P2RY12: variants seen among roughly 807,000 people sequenced by gnomAD.
P2RY12 encodes the protein purinergic receptor P2Y12.
Under a neutral mutation model 4.5 loss-of-function variants are expected in P2RY12, and 3 were observed. That is an observed-to-expected ratio of 0.67 (90% CI 0.31 to 1.74). The LOEUF is 1.74. Ranked by LOEUF, P2RY12 falls within the 40% of genes most tolerant of loss-of-function variation. The pLI is 0.09. For missense variants in P2RY12, 356 were observed against 407.8 expected (o/e 0.87, Z 1.09); for synonymous variants, 148 against 154.1 (o/e 0.96, Z 0.29).
At chr3:151,382,506 G>C in intron 1 of P2RY12, 1 of 494,434 alleles carries the variant, frequency 2.0e-6, no homozygotes, top group South Asian at 3.8e-5. Context: ...CTTTCTGCAT[G>C]GAGGAAGAAG....
chr3:151,360,320 T>A (rs1212481697), intron 1 of P2RY12, among the ~76,000 whole-genome samples: 2 of 152,326 alleles, frequency 1.3e-5, no homozygotes, highest in East Asian at 3.9e-4. Context: ...AAAATTATAT[T>A]GTACTGAGTT....
chr3:151,361,776 C>T (rs1754638031), intron 1 of P2RY12, among the ~76,000 whole-genome samples: 2 of 152,096 alleles, frequency 1.3e-5, no homozygotes, highest in Admixed American at 1.3e-4. Context: ...TATTTGCATG[C>T]TGACTTCTTC....
chr3:151,380,732 T>G (rs1712152195), intron 1 of P2RY12, among the ~76,000 whole-genome samples: 1 of 152,192 alleles, frequency 6.6e-6, no homozygotes, highest in Admixed American at 6.5e-5. Flanking sequence ...ATGAGATATA[T>G]ACAATAAATG....
intron 1 of P2RY12, among the ~76,000 whole-genome samples, chr3:151,375,573 A>G (rs968559999): frequency 2.0e-5 from 3 of 152,200 alleles, no homozygotes; most frequent in Non-Finnish European, 2.9e-5. Context: ...AACATTATTC[A>G]TAATAGTATC....
intron 1 of P2RY12, among the ~76,000 whole-genome samples, chr3:151,358,806 T>C (rs1005137171): frequency 3.3e-5 from 5 of 152,186 alleles, no homozygotes; most frequent in African/African-American, 1.2e-4. Context: ...TCTTATTGCT[T>C]GCAAATCAAA....
In P2RY12 at chr3:151,372,680, C is replaced by A. The variant is rs755657936; in HGVS notation, c.-180+12012G>T. 5.6e-6 allele frequency: 9 copies of A among 1,613,798 alleles called. No homozygotes were observed. In the Admixed American group the frequency reaches 8.3e-5, roughly 15 times the overall value. ...TGATATCTGGACTGCCTCACAAAAT[C>A]CAAAATCCTGTGGGAAAAGCATTTC... On this transcript the variant is annotated intron_variant, in intron 1 of 2. Coordinates refer to ENST00000302632, the MANE Select transcript of P2RY12 (RefSeq NM_022788.5).
intron 1 of P2RY12, among the ~76,000 whole-genome samples, chr3:151,378,803 T>C (rs535409029): frequency 3.4e-4 from 52 of 152,334 alleles, no homozygotes; most frequent in African/African-American, 1.2e-3. Flanking sequence ...TAAAAAAATA[T>C]TTTAAGCACA....
At chr3:151,376,711 C>A in intron 1 of P2RY12, 1 of 1,089,404 alleles carries the variant, frequency 9.2e-7, no homozygotes. Flanking sequence ...TTATTCTGCT[C>A]TTTCTTGAGA....
intron 1 of P2RY12, chr3:151,360,484 G>T: frequency 6.2e-7 from 1 of 1,612,206 alleles, no homozygotes; most frequent in Non-Finnish European, 8.5e-7. Context: ...GTTGTGTGGT[G>T]TGGTCAAGCA....
At chr3:151,345,646 T>G (rs942514267) in intron 1 of P2RY12, among the ~76,000 whole-genome samples, 1 of 151,262 alleles carries the variant, frequency 6.6e-6, no homozygotes, top group African/African-American at 2.4e-5. Context: ...GCCTCCCGAG[T>G]AGCTGAAATT....
intron 1 of P2RY12, among the ~76,000 whole-genome samples, chr3:151,361,337 A>T (rs1244876172): frequency 6.6e-6 from 1 of 152,126 alleles, no homozygotes; most frequent in African/African-American, 2.4e-5. Flanking sequence ...ACATTAAATC[A>T]ATGTGCATTA....
chr3:151,374,753 T>C (rs1235914465), intron 1 of P2RY12, among the ~76,000 whole-genome samples: 1 of 152,228 alleles, frequency 6.6e-6, no homozygotes, highest in Admixed American at 6.5e-5. Context: ...TTTTGCATTA[T>C]TTAAATTCCT....
Position 151,338,060 on chromosome 3 carries a change from G to C in P2RY12, c.786C>G (p.Ser262Arg). The change falls in exon 3 of 3, where the codon AGC (serine) becomes AGG (arginine). Residue 262 changes from serine to arginine, a missense_variant. Transcript: ENST00000302632. ...FHFARIPYTL[S>R]QTRDVFDCTA... The stretch of plus-strand genomic sequence containing the variant: ...TGCAGTCAAAGACATCCCGGGTTTG[G>C]CTCAGGGTGTAAGGAATTCGGGCAA... 1 of 1,614,062 alleles carries C rather than the reference G, an allele frequency of 6.2e-7. No individual in the cohort carries two copies. The highest frequency in any genetic ancestry group is 8.5e-7 in the Non-Finnish European group (1 of 1,179,962).
chr3:151,364,432 T>C (rs1755031201), intron 1 of P2RY12, among the ~76,000 whole-genome samples: 1 of 152,172 alleles, frequency 6.6e-6, no homozygotes. Flanking sequence ...ATTATCCATA[T>C]CCCCTTACTA....
chr3:151,372,348 C>T (rs530723252), intron 1 of P2RY12, among the ~76,000 whole-genome samples: 5 of 152,188 alleles, frequency 3.3e-5, no homozygotes, highest in Non-Finnish European at 5.9e-5. Context: ...AAATAAGGAC[C>T]GAGTCTTGAA....
intron 1 of P2RY12, among the ~76,000 whole-genome samples, chr3:151,344,369 C>A (rs934861579): frequency 2.6e-5 from 4 of 151,862 alleles, no homozygotes; most frequent in African/African-American, 9.7e-5. Flanking sequence ...CACACCCATT[C>A]TTCCTCCCAG....
rs1358299774 is a variant in P2RY12 at position 151,348,344 on chromosome 3, A to C, written c.-179-7584T>G. ...TATGTACACAAACCACCAGACCAAA[A>C]AAAAAAAAAAAAAAAAAAAGAAAAA... On this transcript the variant is annotated intron_variant, in intron 1 of 2. Coordinates refer to ENST00000302632, the MANE Select transcript of P2RY12 (RefSeq NM_022788.5). 1.6e-3 allele frequency among the ~76,000 whole-genome samples: 62 copies of C among 37,820 alleles called. No individual in the cohort carries two copies. The East Asian group carries it at 0.021, about 13-fold the overall frequency. The allele number at this position is 37,820 out of a possible 152,430, so 24.8% of individuals were successfully genotyped here.
At chr3:151,347,797 A>G (rs1357304329) in intron 1 of P2RY12, among the ~76,000 whole-genome samples, 1 of 152,076 alleles carries the variant, frequency 6.6e-6, no homozygotes, top group Non-Finnish European at 1.5e-5. Context: ...TCTCACAAAA[A>G]CCTTACAAGG....
intron 1 of P2RY12, among the ~76,000 whole-genome samples, chr3:151,346,733 C>G (rs900066549): frequency 6.6e-6 from 1 of 152,082 alleles, no homozygotes; most frequent in African/African-American, 2.4e-5. Flanking sequence ...CCCTTCTTCC[C>G]TAAACATAAT....
Sources: allele counts gnomAD v4.1 joint callset (sites outside exome capture counted in the v4.1 genomes callset), GRCh38; gene constraint gnomAD v4.1.1; transcripts MANE v1.5; gene names NCBI Gene and HGNC (gene_info 2026-07-23, HGNC 2026-07-21).